PLXDC2: variants seen among roughly 807,000 people sequenced by gnomAD.
The protein encoded by PLXDC2 is plexin domain containing 2, also known as plexin domain-containing protein 2.
A neutral mutation model predicts 68.9 loss-of-function variants in PLXDC2; 40 were observed. The observed-to-expected ratio is 0.58, with a 90% CI of 0.45 to 0.76. The LOEUF is 0.76. Ranked by LOEUF, PLXDC2 falls within the 30% of genes least tolerant of loss-of-function variation. PLXDC2 has a pLI of 0.00. For missense variants in PLXDC2, 644 were observed against 661.9 expected (o/e 0.97, Z 0.30); for synonymous variants, 243 against 234.2 (o/e 1.04, Z -0.34).
intron 4 of PLXDC2, among the ~76,000 whole-genome samples, chr10:20,114,693 G>T (rs576614831): frequency 6.6e-6 from 1 of 152,290 alleles, no homozygotes; most frequent in South Asian, 2.1e-4. Flanking sequence ...GGGCACAGAA[G>T]CAGGAAAGTA....
At chr10:20,137,274 G>A (rs188443259) in intron 4 of PLXDC2, among the ~76,000 whole-genome samples, 1 of 152,254 alleles carries the variant, frequency 6.6e-6, no homozygotes, top group East Asian at 1.9e-4. Flanking sequence ...TCGTCTTGTA[G>A]TACTGACTCT....
At chr10:20,107,657 G>A (rs1235771320) in intron 4 of PLXDC2, among the ~76,000 whole-genome samples, 5 of 152,094 alleles carry the variant, frequency 3.3e-5, no homozygotes, top group Non-Finnish European at 7.4e-5. Flanking sequence ...TTATGCAAAG[G>A]TGACTTTCAC....
chr10:20,021,760 C>T (rs747548237), intron 2 of PLXDC2, among the ~76,000 whole-genome samples: 51 of 151,688 alleles, frequency 3.4e-4, no homozygotes, highest in Non-Finnish European at 3.5e-4. Flanking sequence ...AGTGCAGTGG[C>T]GTGATCTTGG....
intron 1 of PLXDC2, among the ~76,000 whole-genome samples, chr10:19,903,327 T>G (rs1009365886): frequency 6.6e-6 from 1 of 151,732 alleles, no homozygotes; most frequent in Non-Finnish European, 1.5e-5. Context: ...GTTGGCTTTT[T>G]TTTTTTTAAT....
chr10:20,189,677 C>T (rs1263459834), intron 9 of PLXDC2, among the ~76,000 whole-genome samples: 1 of 150,502 alleles, frequency 6.6e-6, no homozygotes, highest in Non-Finnish European at 1.5e-5. Context: ...CATAACTTTC[C>T]TCTGGAAAGA....
chr10:20,190,430 T>C (rs1053225421), intron 9 of PLXDC2, among the ~76,000 whole-genome samples: 28 of 151,548 alleles, frequency 1.8e-4, no homozygotes, highest in Admixed American at 1.8e-3. Context: ...GATATAAAAA[T>C]TTAAAAACAA....
chr10:20,116,209 C>G (rs2461941), intron 4 of PLXDC2, among the ~76,000 whole-genome samples: 1 of 152,026 alleles, frequency 6.6e-6, no homozygotes, highest in African/African-American at 2.4e-5. Context: ...CCAAGCCTTT[C>G]TGTAGATGTA....
At chr10:19,952,402 A>T (rs1834004678) in intron 1 of PLXDC2, among the ~76,000 whole-genome samples, 1 of 152,212 alleles carries the variant, frequency 6.6e-6, no homozygotes, top group African/African-American at 2.4e-5. Context: ...TCAAATAAGT[A>T]ATGAAAATCA....
At chr10:20,197,803 G>C (rs1398961301) in intron 9 of PLXDC2, among the ~76,000 whole-genome samples, 1 of 152,018 alleles carries the variant, frequency 6.6e-6, no homozygotes, top group Admixed American at 6.6e-5. Context: ...GGATTCTATG[G>C]TGTTTCTAAA....
intron 1 of PLXDC2, among the ~76,000 whole-genome samples, chr10:19,952,822 G>A (rs1324013909): frequency 2.0e-5 from 3 of 152,164 alleles, no homozygotes; most frequent in Non-Finnish European, 4.4e-5. Flanking sequence ...AGTCATGAGG[G>A]GCACATTTTA....
At chr10:20,072,793 T>C (rs1836358563) in intron 4 of PLXDC2, among the ~76,000 whole-genome samples, 1 of 152,220 alleles carries the variant, frequency 6.6e-6, no homozygotes, top group Admixed American at 6.5e-5. Flanking sequence ...GTTAAATCAC[T>C]GTGGTTGGAA....
chr10:20,017,545 G>A (rs1835233613), intron 2 of PLXDC2, among the ~76,000 whole-genome samples: 1 of 152,076 alleles, frequency 6.6e-6, no homozygotes, highest in Admixed American at 6.6e-5. Context: ...TTTTAAAGAG[G>A]GCTCTATTAA....
chr10:19,962,058 A>G (rs1418235056), intron 1 of PLXDC2, among the ~76,000 whole-genome samples: 1 of 152,154 alleles, frequency 6.6e-6, no homozygotes, highest in Admixed American at 6.5e-5. Context: ...GACGATATTT[A>G]TTTGTGTTTC....
At chr10:19,893,887 T>C (rs1164531298) in intron 1 of PLXDC2, among the ~76,000 whole-genome samples, 1 of 152,226 alleles carries the variant, frequency 6.6e-6, no homozygotes, top group Non-Finnish European at 1.5e-5. Context: ...AGAAGGAATC[T>C]GTATATTCAT....
At chr10:19,884,834 G>A (rs1564618892) in intron 1 of PLXDC2, among the ~76,000 whole-genome samples, 1 of 152,154 alleles carries the variant, frequency 6.6e-6, no homozygotes, top group Non-Finnish European at 1.5e-5. Flanking sequence ...TGTCTTTATA[G>A]CAGCATGATT....
intron 1 of PLXDC2, among the ~76,000 whole-genome samples, chr10:19,999,055 T>A (rs557861337): frequency 6.6e-6 from 1 of 152,154 alleles, no homozygotes; most frequent in African/African-American, 2.4e-5. Context: ...TTTCATTTGT[T>A]CTCTAGAGAA....
At chr10:19,904,531 A>G (rs1308107142) in intron 1 of PLXDC2, among the ~76,000 whole-genome samples, 2 of 151,954 alleles carry the variant, frequency 1.3e-5, no homozygotes, top group South Asian at 4.2e-4. Context: ...GCAACTGGTG[A>G]CCAGGGCTGA....
chr10:20,120,488 G>T (rs1384394095), intron 4 of PLXDC2, among the ~76,000 whole-genome samples: 2 of 152,248 alleles, frequency 1.3e-5, no homozygotes, highest in East Asian at 1.9e-4. Context: ...ACTAATAAAG[G>T]CTGGTCTGTT....
intron 4 of PLXDC2, among the ~76,000 whole-genome samples, chr10:20,078,994 T>C (rs1444699226): frequency 2.6e-5 from 4 of 152,144 alleles, no homozygotes; most frequent in Non-Finnish European, 4.4e-5. Context: ...GGGAGCATTT[T>C]TCTAAGACTG....
Sources: gnomAD v4.1 joint callset for allele counts (sites outside exome capture counted in the v4.1 genomes callset) on GRCh38, gnomAD v4.1.1 for gene constraint, MANE v1.5 for transcripts, NCBI Gene and HGNC (gene_info 2026-07-23, HGNC 2026-07-21) for gene names.